GAS7: variants seen among roughly 807,000 people sequenced by gnomAD.
GAS7 encodes growth arrest specific 7, also known as growth arrest-specific protein 7.
Under a neutral mutation model 71.1 loss-of-function variants are expected in GAS7, and 28 were observed. The ratio of observed to expected loss-of-function variants is 0.39; its 90% CI spans 0.29 to 0.54. The LOEUF (loss-of-function observed/expected upper bound fraction) is 0.54, where lower values mean the gene tolerates loss of function less well. Ranked by LOEUF, GAS7 falls within the 20% of genes least tolerant of loss-of-function variation. The pLI, the probability that GAS7 is intolerant of heterozygous loss-of-function variation, is 0.62. For synonymous variants in GAS7, 258 were observed against 245.8 expected, an observed-to-expected ratio of 1.05 and a Z score of -0.46; for missense variants, 436 against 627.8, an observed-to-expected ratio of 0.69 and a Z score of 3.27.
intron 6 of GAS7, among the ~76,000 whole-genome samples, chr17:9,945,462 G>A (rs572333290): frequency 1.3e-5 from 2 of 152,116 alleles, no homozygotes; most frequent in South Asian, 4.2e-4. Context: ...CACCTGCCCA[G>A]GTCTGTCTGA....
intron 1 of GAS7, among the ~76,000 whole-genome samples, chr17:10,190,940 C>A (rs536134804): frequency 5.9e-5 from 9 of 151,742 alleles, no homozygotes; most frequent in Non-Finnish European, 1.2e-4. Flanking sequence ...CTTTGGGAGG[C>A]CAAGGCAGGT....
intron 7 of GAS7, among the ~76,000 whole-genome samples, chr17:9,942,837 G>A (rs1304154532): frequency 6.6e-6 from 1 of 152,226 alleles, no homozygotes; most frequent in Non-Finnish European, 1.5e-5. Flanking sequence ...AGGCAATCCT[G>A]CCAATGCTTC....
At chr17:10,089,376 G>T (rs995808783) in intron 1 of GAS7, among the ~76,000 whole-genome samples, 3 of 152,126 alleles carry the variant, frequency 2.0e-5, no homozygotes, top group Non-Finnish European at 4.4e-5. Flanking sequence ...TTTGCAGCCA[G>T]CACCAAAGGA....
At chr17:10,095,177 T>C (rs750434378) in intron 1 of GAS7, among the ~76,000 whole-genome samples, 1 of 152,072 alleles carries the variant, frequency 6.6e-6, no homozygotes, top group Non-Finnish European at 1.5e-5. Context: ...AAGTGTAAAT[T>C]ACACCTGGCA....
chr17:10,183,334 G>A (rs1025407545), intron 1 of GAS7, among the ~76,000 whole-genome samples: 6 of 152,088 alleles, frequency 3.9e-5, no homozygotes, highest in African/African-American at 1.2e-4. Flanking sequence ...CCTCAGAGAG[G>A]CCCTTGGAAA....
In GAS7 at chr17:9,926,667, C is replaced by T. The variant is rs146733108; in HGVS notation, c.988G>A (p.Ala330Thr). The T allele has an allele frequency of 6.2e-6, 10 of 1,612,520 alleles. No homozygotes were observed. The highest frequency in any genetic ancestry group is 4.5e-5 in the East Asian group (2 of 44,882). Reference sequence around the variant, plus strand: ...TTCTCCACCGAGGCATAGCGGCTGGCGAGCTGCTTGCGAAGGTCGGCAATG... The same window carrying T: ...TTCTCCACCGAGGCATAGCGGCTGGTGAGCTGCTTGCGAAGGTCGGCAATG... ...HHIADLRKQL[A>T]SRYASVEKAR... The change falls in exon 10 of 14, where the codon GCC becomes ACC. Residue 330 changes from alanine to threonine, a missense_variant. Transcript: ENST00000432992. This position sits in a 1 kb window ranked among gnomAD's most constrained non-coding sequence, Gnocchi z 5.0.
intron 1 of GAS7, among the ~76,000 whole-genome samples, chr17:10,129,863 A>G (rs956089003): frequency 2.0e-5 from 3 of 152,210 alleles, no homozygotes; most frequent in Non-Finnish European, 4.4e-5. Context: ...AAAGCTCTAA[A>G]TAGACCTTTC....
At chr17:9,990,208 G>T (rs1166418558) in intron 2 of GAS7, among the ~76,000 whole-genome samples, 1 of 152,214 alleles carries the variant, frequency 6.6e-6, no homozygotes, top group Non-Finnish European at 1.5e-5. Flanking sequence ...GGCAGAGCTT[G>T]CAGTGAGCCG....
chr17:9,991,264 C>T (rs1215155352), intron 2 of GAS7, among the ~76,000 whole-genome samples: 1 of 152,134 alleles, frequency 6.6e-6, no homozygotes, highest in Non-Finnish European at 1.5e-5. Flanking sequence ...TGAAGGGGGG[C>T]TAGAATGCCT....
Position 9,934,322 on chromosome 17 carries a change from G to A in GAS7, c.807-78C>T, listed in dbSNP as rs947979096. The A allele has an allele frequency of 1.7e-5, 16 of 953,030 alleles. No individual in the cohort carries two copies. In the African/African-American group the frequency reaches 2.4e-4, roughly 14 times the overall value. 59.0% of individuals were successfully genotyped at this position (953,030 alleles called of 1,614,324 possible). Reference sequence around the variant, plus strand: ...GCAGGATGGTGGGGCTCCACCCCAGGTCTCGGGGAGGTATATGACAGCTGA... The same window carrying A: ...GCAGGATGGTGGGGCTCCACCCCAGATCTCGGGGAGGTATATGACAGCTGA... On this transcript the variant is annotated intron_variant, in intron 8 of 13. Coordinates refer to ENST00000432992, the MANE Select transcript of GAS7 (RefSeq NM_201433.2).
At chr17:9,979,595 G>A (rs908646981) in intron 3 of GAS7, among the ~76,000 whole-genome samples, 11 of 152,150 alleles carry the variant, frequency 7.2e-5, no homozygotes, top group African/African-American at 2.7e-4. Context: ...CCTGTGGAGG[G>A]TCCCAGGAGA....
chr17:10,013,679 G>A (rs752281468), intron 2 of GAS7, among the ~76,000 whole-genome samples: 4 of 152,202 alleles, frequency 2.6e-5, no homozygotes, highest in African/African-American at 4.8e-5. Flanking sequence ...GCCCAACGCC[G>A]TTTACTAAAT....
intron 2 of GAS7, among the ~76,000 whole-genome samples, chr17:9,987,829 C>T (rs2070700510): frequency 6.6e-6 from 1 of 152,226 alleles, no homozygotes; most frequent in African/African-American, 2.4e-5. Flanking sequence ...AGGCTGCATC[C>T]TGCCTGCATT....
chr17:10,177,136 T>C (rs1404106306), intron 1 of GAS7, among the ~76,000 whole-genome samples: 1 of 152,002 alleles, frequency 6.6e-6, no homozygotes, highest in Non-Finnish European at 1.5e-5. Context: ...GAGATCCCCA[T>C]GCAAGCCAGC....
At chr17:10,007,010 T>C (rs1226333490) in intron 2 of GAS7, among the ~76,000 whole-genome samples, 2 of 152,362 alleles carry the variant, frequency 1.3e-5, no homozygotes, top group Non-Finnish European at 1.5e-5. Flanking sequence ...TTTACCTATT[T>C]AAAGAAGTTG....
chr17:10,140,614 G>A (rs890886224), intron 1 of GAS7, among the ~76,000 whole-genome samples: 6 of 152,088 alleles, frequency 3.9e-5, no homozygotes, highest in Admixed American at 6.6e-5. Flanking sequence ...GTGTGTTTAT[G>A]TACATGAATA....
At chr17:10,004,711 T>G (rs994785780) in intron 2 of GAS7, among the ~76,000 whole-genome samples, 2 of 152,168 alleles carry the variant, frequency 1.3e-5, no homozygotes, top group Non-Finnish European at 2.9e-5. Context: ...TCCAACTTCA[T>G]TCATAAAATG....
intron 1 of GAS7, among the ~76,000 whole-genome samples, chr17:10,177,918 A>T (rs1284525716): frequency 6.6e-6 from 1 of 152,082 alleles, no homozygotes; most frequent in African/African-American, 2.4e-5. Context: ...TCAACACGCA[A>T]TTCAGAAACA....
At chr17:9,993,163 C>G (rs2070910669) in intron 2 of GAS7, among the ~76,000 whole-genome samples, 1 of 151,174 alleles carries the variant, frequency 6.6e-6, no homozygotes. Context: ...AGTTCTAGAT[C>G]CCTGAGGAAT....
Sources: allele counts gnomAD v4.1 joint callset (sites outside exome capture counted in the v4.1 genomes callset), GRCh38; gene constraint gnomAD v4.1.1; non-coding constraint Gnocchi (gnomAD v3.1); transcripts MANE v1.5; gene names NCBI Gene and HGNC (gene_info 2026-07-23, HGNC 2026-07-21).